Variants in C1GALT1 observed in about 807,000 individuals in gnomAD.
The protein encoded by C1GALT1 is glycoprotein-N-acetylgalactosamine 3-beta-galactosyltransferase 1.
In C1GALT1, 11 loss-of-function variants were observed where a neutral mutation model predicts 31.0. The observed-to-expected ratio is 0.36, with a 90% CI of 0.22 to 0.59. The LOEUF is 0.59. Among genes scored for constraint, C1GALT1 ranks in the 20% least tolerant of loss-of-function variants. C1GALT1 has a pLI of 0.79. For synonymous variants in C1GALT1, 175 were observed against 143.6 expected, an observed-to-expected ratio of 1.22 and a Z score of -1.56; for missense variants, 424 against 425.2, an observed-to-expected ratio of 1.00 and a Z score of 0.03.
intron 1 of C1GALT1, among the ~76,000 whole-genome samples, chr7:7,203,962 C>T (rs760213150): frequency 3.0e-4 from 45 of 152,038 alleles, no homozygotes; most frequent in Non-Finnish European, 5.0e-4. Flanking sequence ...ACATCTCTCC[C>T]TATGCCTCCC....
chr7:7,243,678 G>C lies in C1GALT1; in HGVS notation c.1043G>C (p.Ser348Thr). Residue 348 changes from serine (S) to threonine (T), a missense_variant, in exon 4 of 4, where the codon AGT becomes ACT. This residue lies in a region of C1GALT1 where 191 missense variants were observed against 188.8 expected (regional missense o/e 1.01). Transcript: ENST00000436587. ...TLPERILKEI[S>T]QANKNEDTKV... is the part of the protein sequence containing the mutation. ...CCTGAACGTATACTAAAGGAAATTA[G>C]TCAAGCAAACAAAAATGAAGATACA... The C allele has an allele frequency of 6.2e-7, 1 of 1,604,222 alleles. No homozygotes were observed. Among genetic ancestry groups the C allele is most frequent in the Non-Finnish European group, 8.5e-7 (1 of 1,177,468 alleles).
At chr7:7,193,716 G>C (rs574186296) in intron 1 of C1GALT1, among the ~76,000 whole-genome samples, 48 of 152,188 alleles carry the variant, frequency 3.2e-4, no homozygotes, top group African/African-American at 1.1e-3. Context: ...TGCAAAGAAT[G>C]ATGGTGACAT....
At chr7:7,207,790 G>A (rs369038725) in intron 1 of C1GALT1, among the ~76,000 whole-genome samples, 2 of 132,120 alleles carry the variant, frequency 1.5e-5, no homozygotes, top group African/African-American at 6.2e-5. Flanking sequence ...TTTTTTCTTT[G>A]TTTTTTTTTT....
chr7:7,186,259 A>G (rs1329523646), intron 1 of C1GALT1, among the ~76,000 whole-genome samples: 1 of 152,174 alleles, frequency 6.6e-6, no homozygotes, highest in Non-Finnish European at 1.5e-5. Flanking sequence ...AGCTCTCAAT[A>G]CTGCCACAGT....
At chr7:7,211,086 G>A (rs1406522002) in intron 1 of C1GALT1, among the ~76,000 whole-genome samples, 1 of 152,158 alleles carries the variant, frequency 6.6e-6, no homozygotes, top group Non-Finnish European at 1.5e-5. Context: ...TCCTCCTGGG[G>A]TTGATCTAAG....
At chr7:7,206,633 G>T (rs1328758261) in intron 1 of C1GALT1, among the ~76,000 whole-genome samples, 1 of 149,472 alleles carries the variant, frequency 6.7e-6, no homozygotes, top group Admixed American at 6.7e-5. Context: ...CCACGATCGC[G>T]CCATTGCACT....
At chr7:7,177,975 T>C (rs114093131), upstream of C1GALT1, 312 of 217,026 alleles carry the variant, frequency 1.4e-3, 2 homozygotes, top group African/African-American at 6.8e-3. Context: ...GTGATAAAAC[T>C]GGGGGCACTG....
chr7:7,204,105 T>G (rs10239872), intron 1 of C1GALT1, among the ~76,000 whole-genome samples: 1 of 149,896 alleles, frequency 6.7e-6, no homozygotes, highest in African/African-American at 2.5e-5. Flanking sequence ...CTGTTTTTTT[T>G]TTTTTGTTTT....
intron 2 of C1GALT1, among the ~76,000 whole-genome samples, chr7:7,160,274 C>A (rs906065570): frequency 6.6e-6 from 1 of 152,104 alleles, no homozygotes; most frequent in Non-Finnish European, 1.5e-5. Flanking sequence ...CCATCTAGAT[C>A]TTTTTGGTCT....
At chr7:7,217,773 T>A (rs58439112) in intron 1 of C1GALT1, among the ~76,000 whole-genome samples, 3,777 of 152,230 alleles carry the variant, frequency 0.025, 139 homozygotes, top group African/African-American at 0.085. Context: ...TGAGCTCACG[T>A]GATACTCCCA....
chr7:7,202,534 A>G (rs191778711), intron 1 of C1GALT1, among the ~76,000 whole-genome samples: 7 of 151,996 alleles, frequency 4.6e-5, no homozygotes, highest in Middle Eastern at 6.8e-3. Context: ...CTTTGACCAT[A>G]AAGTGAGATG....
At chr7:7,188,626 C>G (rs1050437108) in intron 1 of C1GALT1, among the ~76,000 whole-genome samples, 2 of 152,112 alleles carry the variant, frequency 1.3e-5, no homozygotes, top group African/African-American at 2.4e-5. Flanking sequence ...TCATGCCACC[C>G]AGTGCTAGTT....
chr7:7,243,546 T>C lies in C1GALT1; in HGVS notation c.911T>C (p.Leu304Pro). ...TAGGGTCCTGGTTGCTGCTCTGATCTTGCAGTTTCTTTTCACTATGTTGAT... is the reference window on the plus strand; with the variant it reads ...TAGGGTCCTGGTTGCTGCTCTGATCCTGCAGTTTCTTTTCACTATGTTGAT... ...PVEGPGCCSD[L>P]AVSFHYVDST... The change falls in exon 4 of 4, where the codon CTT (leucine) becomes CCT (proline). Residue 304 changes from leucine (L) to proline (P), a missense_variant. By Grantham distance (98) the Leu-to-Pro change is moderately conservative (BLOSUM62 -3). Around this residue, in one of 3 missense-constraint regions of C1GALT1, gnomAD observed 191 missense variants for 188.8 expected, o/e 1.01. Transcript: ENST00000436587. 1 of 1,606,852 alleles carries C rather than the reference T, an allele frequency of 6.2e-7. No individual in the cohort carries two copies. The highest frequency in any genetic ancestry group is 8.5e-7 in the Non-Finnish European group (1 of 1,177,922).
At chr7:7,214,579 C>G (rs774594175) in intron 1 of C1GALT1, among the ~76,000 whole-genome samples, 7 of 152,232 alleles carry the variant, frequency 4.6e-5, no homozygotes, top group African/African-American at 1.4e-4. Flanking sequence ...TTCGAACTTT[C>G]GAAAGTAACC....
upstream of C1GALT1, among the ~76,000 whole-genome samples, chr7:7,178,810 T>G (rs1780536414): frequency 6.6e-6 from 1 of 152,260 alleles, no homozygotes; most frequent in African/African-American, 2.4e-5. Flanking sequence ...TATATCCAGC[T>G]GTATGAGTTA....
chr7:7,216,754 G>T (rs1782262907), intron 1 of C1GALT1, among the ~76,000 whole-genome samples: 3 of 152,170 alleles, frequency 2.0e-5, no homozygotes, highest in Non-Finnish European at 4.4e-5. Context: ...ACAATATCGG[G>T]ACTAAAATCT....
At chr7:7,196,858 T>C (rs1781311888) in intron 1 of C1GALT1, among the ~76,000 whole-genome samples, 1 of 152,204 alleles carries the variant, frequency 6.6e-6, no homozygotes, top group Non-Finnish European at 1.5e-5. Context: ...TGCATAAATG[T>C]CTTCTTTTGA....
At chr7:7,225,549 T>G in intron 1 of C1GALT1, among the ~76,000 whole-genome samples, 1 of 152,362 alleles carries the variant, frequency 6.6e-6, no homozygotes, top group East Asian at 1.9e-4. Flanking sequence ...AAAATTCTAC[T>G]TAATAAATTT....
At chr7:7,235,039 G>A (rs1783272670) in intron 2 of C1GALT1, 1 of 152,356 alleles carries the variant, frequency 6.6e-6, no homozygotes, top group Non-Finnish European at 1.5e-5. Flanking sequence ...TTTTCTCCTA[G>A]CCTCCTACCT....
Sources: gnomAD v4.1 joint callset for allele counts (sites outside exome capture counted in the v4.1 genomes callset) on GRCh38, gnomAD v4.1.1 for gene constraint, gnomAD v4.1.1 regional missense constraint, MANE v1.5 for transcripts, NCBI Gene and HGNC (gene_info 2026-07-23, HGNC 2026-07-21) for gene names.